The following KCNIP4 variants were observed in gnomAD, a reference collection of about 807,000 sequenced individuals.
The protein encoded by KCNIP4 is potassium voltage-gated channel interacting protein 4.
In KCNIP4, 12 loss-of-function variants were observed where a neutral mutation model predicts 34.0. The ratio of observed to expected loss-of-function variants is 0.35; its 90% CI spans 0.23 to 0.57. The LOEUF is 0.57. KCNIP4 is among the 20% of genes least tolerant of loss of function. The pLI is 0.83. For missense variants in KCNIP4, 238 were observed against 311.7 expected (o/e 0.76, Z 1.78); for synonymous variants, 124 against 102.2 (o/e 1.21, Z -1.29).
At chr4:20,744,370 C>G (rs1424715716) in intron 5 of KCNIP4, among the ~76,000 whole-genome samples, 1 of 152,106 alleles carries the variant, frequency 6.6e-6, no homozygotes, top group Non-Finnish European at 1.5e-5. Flanking sequence ...AAATGTCCAT[C>G]AATGATAGAC....
At chr4:20,932,473 G>A (rs1306889133) in intron 1 of KCNIP4, among the ~76,000 whole-genome samples, 3 of 128,572 alleles carry the variant, frequency 2.3e-5, no homozygotes, top group South Asian at 4.5e-4. Context: ...GACTATAATA[G>A]TCTATAATAG....
At chr4:21,518,491 C>T (rs1190548538) in intron 1 of KCNIP4, among the ~76,000 whole-genome samples, 1 of 152,092 alleles carries the variant, frequency 6.6e-6, no homozygotes, top group East Asian at 1.9e-4. Context: ...GCAGAGGAAT[C>T]AGTCTATGAA....
At chr4:21,757,170 G>GAAAGAAA (rs1560691312) in intron 1 of KCNIP4, among the ~76,000 whole-genome samples, 37 of 33,642 alleles carry the variant, frequency 1.1e-3, no homozygotes, top group South Asian at 3.7e-3. Flanking sequence ...AAAGAAAGAA[G>GAAAGAAA]GAAGGAAGGA....
At chr4:21,738,040 C>T (rs1446210368) in intron 1 of KCNIP4, among the ~76,000 whole-genome samples, 2 of 151,562 alleles carry the variant, frequency 1.3e-5, no homozygotes. Flanking sequence ...TGCAGTGAGC[C>T]AAGATCTTGC....
intron 6 of KCNIP4, among the ~76,000 whole-genome samples, chr4:20,733,875 C>G (rs1748952920): frequency 6.6e-6 from 1 of 152,160 alleles, no homozygotes; most frequent in African/African-American, 2.4e-5. Context: ...TACTCGTGAC[C>G]TGGCACACTT....
intron 4 of KCNIP4, among the ~76,000 whole-genome samples, chr4:20,754,953 A>T (rs1754252962): frequency 6.6e-6 from 1 of 152,216 alleles, no homozygotes; most frequent in Non-Finnish European, 1.5e-5. Context: ...GATAGTAAAT[A>T]TAATTTTTCT....
chr4:21,460,678 C>T (rs1729388172), intron 1 of KCNIP4, among the ~76,000 whole-genome samples: 1 of 152,050 alleles, frequency 6.6e-6, no homozygotes, highest in African/African-American at 2.4e-5. Context: ...CATTTAATTA[C>T]CTAATTACCA....
At chr4:21,049,539 C>T (rs918043233) in intron 1 of KCNIP4, among the ~76,000 whole-genome samples, 6 of 152,094 alleles carry the variant, frequency 3.9e-5, no homozygotes, top group Admixed American at 1.3e-4. Context: ...CCTATTTTTT[C>T]GTATCAATGT....
At chr4:21,216,898 G>A (rs897556393) in intron 1 of KCNIP4, among the ~76,000 whole-genome samples, 3 of 152,142 alleles carry the variant, frequency 2.0e-5, no homozygotes, top group Non-Finnish European at 4.4e-5. Flanking sequence ...AGGGAGATAG[G>A]AACATCTAAC....
intron 1 of KCNIP4, among the ~76,000 whole-genome samples, chr4:21,458,058 A>G (rs1296356563): frequency 1.3e-5 from 2 of 151,156 alleles, no homozygotes; most frequent in Non-Finnish European, 2.9e-5. Flanking sequence ...TTAGTTACAT[A>G]TGTATACATG....
At chr4:21,650,232 C>T (rs1196958606) in intron 1 of KCNIP4, among the ~76,000 whole-genome samples, 1 of 152,212 alleles carries the variant, frequency 6.6e-6, no homozygotes, top group East Asian at 1.9e-4. Flanking sequence ...GCATGTTCTG[C>T]TAATTTTGGA....
chr4:21,237,194 G>C (rs1301911891), intron 1 of KCNIP4, among the ~76,000 whole-genome samples: 2 of 152,090 alleles, frequency 1.3e-5, no homozygotes, highest in Non-Finnish European at 2.9e-5. Flanking sequence ...ATTCTACAAA[G>C]ATTACTTGAT....
chr4:21,221,187 C>A (rs1303383508), intron 1 of KCNIP4, among the ~76,000 whole-genome samples: 3 of 152,234 alleles, frequency 2.0e-5, no homozygotes, highest in East Asian at 1.9e-4. Context: ...TGAATGAAAA[C>A]TCCTCCAGTT....
chr4:21,266,420 TACATTG>T, intron 1 of KCNIP4, among the ~76,000 whole-genome samples: 1 of 152,136 alleles, frequency 6.6e-6, no homozygotes, highest in South Asian at 2.1e-4. Context: ...AACATGAAAA[TACATTG>T]AGGACAACTC....
chr4:21,367,747 A>G (rs911670953), intron 1 of KCNIP4, among the ~76,000 whole-genome samples: 8 of 147,448 alleles, frequency 5.4e-5, no homozygotes, highest in Non-Finnish European at 1.0e-4. Context: ...AAAAGAAGAC[A>G]CATCACTACA....
At chr4:21,477,845 G>A (rs1345045207) in intron 1 of KCNIP4, among the ~76,000 whole-genome samples, 6 of 152,180 alleles carry the variant, frequency 3.9e-5, no homozygotes, top group African/African-American at 1.4e-4. Context: ...CAGAATAACA[G>A]TAGGGTATTT....
chr4:21,810,356 C>A (rs939404232), intron 1 of KCNIP4, among the ~76,000 whole-genome samples: 2 of 152,078 alleles, frequency 1.3e-5, no homozygotes, highest in Non-Finnish European at 2.9e-5. Flanking sequence ...CCTCCTTCCC[C>A]CAACCCTCCC....
At chr4:20,981,020 A>G (rs1057390254) in intron 1 of KCNIP4, among the ~76,000 whole-genome samples, 2 of 152,128 alleles carry the variant, frequency 1.3e-5, no homozygotes, top group Non-Finnish European at 2.9e-5. Context: ...TTACTTGACT[A>G]CTGATCAAAA....
At chr4:21,758,220 G>C (rs1365052206) in intron 1 of KCNIP4, among the ~76,000 whole-genome samples, 7 of 152,180 alleles carry the variant, frequency 4.6e-5, no homozygotes, top group African/African-American at 1.7e-4. Context: ...GGATACAGAG[G>C]TGAATAAAAC....
Sources: gnomAD v4.1 joint callset for allele counts (sites outside exome capture counted in the v4.1 genomes callset) on GRCh38, gnomAD v4.1.1 for gene constraint, MANE v1.5 for transcripts, NCBI Gene and HGNC (gene_info 2026-07-23, HGNC 2026-07-21) for gene names.